Variants in LARP4B observed in about 807,000 individuals in gnomAD.
The protein encoded by LARP4B is la-related protein 4B.
In LARP4B, 12 loss-of-function variants were observed where a neutral mutation model predicts 89.8. The observed-to-expected ratio is 0.13, with a 90% CI of 0.09 to 0.22. The LOEUF (loss-of-function observed/expected upper bound fraction) is 0.22, where lower values mean the gene tolerates loss of function less well. LARP4B is among the 10% of genes least tolerant of loss of function. The pLI, the probability that LARP4B is intolerant of heterozygous loss-of-function variation, is 1.00. For synonymous variants in LARP4B, 367 were observed against 363.3 expected (o/e 1.01, Z -0.12); for missense variants, 757 against 947.7 (o/e 0.80, Z 2.64).
chr10:895,352 G>A (rs1836153880), intron 1 of LARP4B, among the ~76,000 whole-genome samples: 1 of 151,694 alleles, frequency 6.6e-6, no homozygotes. Context: ...AATACTAAAT[G>A]TGTAAACAAA....
chr10:914,525 G>A (rs1836765085), intron 1 of LARP4B, among the ~76,000 whole-genome samples: 1 of 147,688 alleles, frequency 6.8e-6, no homozygotes, highest in African/African-American at 2.5e-5. Flanking sequence ...AGTGAGGCGT[G>A]GTGGCTCGCA....
Position 814,850 on chromosome 10 carries a change from A to T in LARP4B, c.1821T>A (p.Asp607Glu), listed in dbSNP as rs764944858. ...TCTGTTTCTCCGCCACCTTGGGATC[A>T]CTGTAAAAATGCCACCCGATATTTG... is the stretch of plus-strand genomic sequence containing the variant. ...ERSPSPAHLP[D>E]DPKVAEKQRE... Residue 607 changes from aspartate to glutamate, a missense_variant and splice_region_variant, in exon 17 of 18, where the codon GAT (aspartate) becomes GAA (glutamate). Physicochemically the swap from Asp to Glu is conservative, Grantham distance 45. This residue lies in a region of LARP4B where 387 missense variants were observed against 423.6 expected (regional missense o/e 0.91). Transcript: ENST00000316157. The surrounding 1 kb of genome is among the most constrained non-coding windows in gnomAD (Gnocchi z 4.4). The T allele has an allele frequency of 3.8e-6, 6 of 1,589,684 alleles. No homozygotes were observed. In the South Asian group the frequency reaches 6.7e-5, roughly 18 times the overall value.
At chr10:976,380 A>G in the LARP4B span, among the ~76,000 whole-genome samples, 14 of 151,268 alleles carry the variant, frequency 9.3e-5, no homozygotes, top group Non-Finnish European at 2.1e-4. Flanking sequence ...GGCTTAGTAG[A>G]ATGTAGGCCT....
intron 7 of LARP4B, among the ~76,000 whole-genome samples, chr10:841,074 A>C (rs1167609896): frequency 6.6e-6 from 1 of 152,216 alleles, no homozygotes; most frequent in Non-Finnish European, 1.5e-5. Context: ...GAATTGCTTC[A>C]ACACAGGAGG....
intron 3 of LARP4B, among the ~76,000 whole-genome samples, chr10:871,948 A>C (rs1835224156): frequency 6.6e-6 from 1 of 152,186 alleles, no homozygotes. Flanking sequence ...CAACACATGC[A>C]GTGTCAGTAC....
At chr10:912,425 G>A (rs1564443392) in intron 1 of LARP4B, among the ~76,000 whole-genome samples, 1 of 152,062 alleles carries the variant, frequency 6.6e-6, no homozygotes, top group Non-Finnish European at 1.5e-5. Flanking sequence ...TGATCTAGAT[G>A]CTCTGCCTTT....
intron 5 of LARP4B, among the ~76,000 whole-genome samples, chr10:861,731 T>A (rs1046853211): frequency 1.3e-5 from 2 of 152,270 alleles, no homozygotes; most frequent in South Asian, 4.1e-4. Flanking sequence ...CCATCTTCCA[T>A]CCTCAAGACA....
chr10:815,451 C>T (rs1831991338), intron 15 of LARP4B: 2 of 156,100 alleles, frequency 1.3e-5, no homozygotes, highest in African/African-American at 4.8e-5. Context: ...TAACACAGTC[C>T]AACACAACTC....
rs183744724 is a variant in LARP4B at position 813,172 on chromosome 10, C to T, written c.1971G>A (p.Thr657=). 87 of 1,613,324 alleles carry T rather than the reference C, an allele frequency of 5.4e-5. No homozygotes were observed. The highest frequency in any genetic ancestry group is 3.8e-4 in the Admixed American group (23 of 59,786). Residue 657 remains threonine (T), a synonymous_variant, in exon 18 of 18, where the codon ACG becomes ACA. Transcript: ENST00000316157. ...ATGGGGAAGAAGGAGGCTCTTTACTCGTTCTCTGACAAATCTCTGCGTAGC... is the reference window on the plus strand; with the variant it reads ...ATGGGGAAGAAGGAGGCTCTTTACTTGTTCTCTGACAAATCTCTGCGTAGC... ...KPSYAEICQR[T]SKEPPSSPLQ... is the part of the protein sequence containing the mutation.
At chr10:892,351 G>C (rs181460437) in intron 1 of LARP4B, among the ~76,000 whole-genome samples, 33 of 152,274 alleles carry the variant, frequency 2.2e-4, no homozygotes, top group Admixed American at 2.0e-3. Flanking sequence ...TTCAACACTT[G>C]GGAGACCATA....
chr10:930,014 C>T (rs551443308), intron 1 of LARP4B, among the ~76,000 whole-genome samples: 4 of 151,840 alleles, frequency 2.6e-5, no homozygotes, highest in Admixed American at 1.3e-4. Flanking sequence ...AACTGAAAAG[C>T]CACAACGATT....
intron 5 of LARP4B, among the ~76,000 whole-genome samples, chr10:853,626 A>G (rs940230012): frequency 3.3e-5 from 5 of 152,260 alleles, no homozygotes; most frequent in African/African-American, 1.2e-4. Context: ...AGAGGCTGCA[A>G]TGAGCTGTGA....
At chr10:959,840 T>A in the LARP4B span, among the ~76,000 whole-genome samples, 81 of 20,718 alleles carry the variant, frequency 3.9e-3, no homozygotes, top group Non-Finnish European at 4.3e-3. Flanking sequence ...CTCCTCGTCA[T>A]TCCCACCTCC....
chr10:951,689 G>A, the LARP4B span, among the ~76,000 whole-genome samples: 1 of 152,224 alleles, frequency 6.6e-6, no homozygotes, highest in South Asian at 2.1e-4. Context: ...CTGCCACTAG[G>A]AGCCACAGAT....
At chr10:976,031 T>C in the LARP4B span, among the ~76,000 whole-genome samples, 1 of 89,364 alleles carries the variant, frequency 1.1e-5, no homozygotes, top group African/African-American at 3.9e-5. Context: ...AGGCCTGTCG[T>C]GCAACGTGTG....
chr10:957,254 T>G, the LARP4B span, among the ~76,000 whole-genome samples: 3 of 151,966 alleles, frequency 2.0e-5, no homozygotes, highest in Admixed American at 6.6e-5. Flanking sequence ...CCTGCACCTC[T>G]GGGGTTCAAG....
At chr10:849,064 G>A (rs1466460743) in intron 5 of LARP4B, among the ~76,000 whole-genome samples, 6 of 152,262 alleles carry the variant, frequency 3.9e-5, no homozygotes, top group East Asian at 3.9e-4. Context: ...GAAGCAGCAC[G>A]CAGCCACCTC....
At chr10:860,281 C>G (rs1834532458) in intron 5 of LARP4B, among the ~76,000 whole-genome samples, 1 of 152,116 alleles carries the variant, frequency 6.6e-6, no homozygotes, top group Non-Finnish European at 1.5e-5. Flanking sequence ...CAGTAAGATT[C>G]TACTGTCTCC....
At chr10:959,427 C>T in the LARP4B span, among the ~76,000 whole-genome samples, 1 of 102,268 alleles carries the variant, frequency 9.8e-6, no homozygotes, top group African/African-American at 3.6e-5. Flanking sequence ...ACCTCCCCGT[C>T]AATCCACCTC....
Sources: gnomAD v4.1 joint callset for allele counts (sites outside exome capture counted in the v4.1 genomes callset) on GRCh38, gnomAD v4.1.1 for gene constraint, gnomAD v4.1.1 regional missense constraint, Gnocchi (gnomAD v3.1) non-coding constraint, MANE v1.5 for transcripts, NCBI Gene and HGNC (gene_info 2026-07-23, HGNC 2026-07-21) for gene names.